The following CLSTN3 variants were observed in gnomAD, a reference collection of about 807,000 sequenced individuals.
The protein encoded by CLSTN3 is calsyntenin 3, also known as calsyntenin-3.
CLSTN3 carries 36 observed loss-of-function variants against 95.9 expected under a neutral mutation model. The observed-to-expected ratio is 0.38, with a 90% CI of 0.29 to 0.50. The LOEUF is 0.50. Ranked by LOEUF, CLSTN3 falls within the 20% of genes least tolerant of loss-of-function variation. The pLI, the probability that CLSTN3 is intolerant of heterozygous loss-of-function variation, is 0.95. For synonymous variants in CLSTN3, 481 were observed against 504.0 expected, an observed-to-expected ratio of 0.95 and a Z score of 0.61; for missense variants, 1,084 against 1,268.8, an observed-to-expected ratio of 0.85 and a Z score of 2.21.
In CLSTN3 at chr12:7,142,867, A is replaced by C; in HGVS notation, c.1541-2A>C. 6.2e-7 allele frequency: 1 copy of C among 1,612,876 alleles called. No individual in the cohort carries two copies. The highest frequency in any genetic ancestry group is 8.5e-7 in the Non-Finnish European group (1 of 1,179,688). ...CGTCCTGCTCCTGTGTTCCTACCCT[A>C]GGAGACCCTTTGTCGATCCACCACT... On this transcript the variant is annotated splice_acceptor_variant, in intron 10 of 17. Coordinates refer to ENST00000266546, the MANE Select transcript of CLSTN3 (RefSeq NM_014718.4). LOFTEE classifies it high-confidence loss of function.
Position 7,137,956 on chromosome 12 carries a change from G to A in CLSTN3, c.1212G>A (p.Glu404=). 1 of 1,613,552 alleles carries A rather than the reference G, an allele frequency of 6.2e-7. No homozygotes were observed. Among genetic ancestry groups the A allele is most frequent in the Non-Finnish European group, 8.5e-7 (1 of 1,179,608 alleles). Residue 404 remains glutamate, a splice_region_variant and synonymous_variant, in exon 8 of 18, where the codon GAG becomes GAA. Transcript: ENST00000266546. This position sits in a 1 kb window ranked among gnomAD's most constrained non-coding sequence, Gnocchi z 4.4. ...ETIVCNTVQN[E]DGFSHYSLTV... ...CCCATCCCCTTCCTGTGCCCTCAGAGGACGGCTTCTCTCACTACTCGCTGA... is the reference window on the plus strand; with the variant it reads ...CCCATCCCCTTCCTGTGCCCTCAGAAGACGGCTTCTCTCACTACTCGCTGA...
chr12:7,154,585 T>C (rs1415214126), intron 16 of CLSTN3, among the ~76,000 whole-genome samples: 3 of 152,176 alleles, frequency 2.0e-5, no homozygotes, highest in Non-Finnish European at 2.9e-5. Flanking sequence ...TCTACTCATA[T>C]CAAATTTTGA....
chr12:7,141,092 G>A lies in CLSTN3; in HGVS notation c.1324-150G>A, dbSNP rs1231947731. 1.1e-5 allele frequency: 9 copies of A among 832,684 alleles called. No individual in the cohort carries two copies. Among genetic ancestry groups the A allele is most frequent in the Non-Finnish European group, 1.7e-5 (9 of 535,272 alleles). 51.6% of individuals were successfully genotyped at this position (832,684 alleles called of 1,614,324 possible). ...GGACAAGGATGTTATTCCTCGAGCT[G>A]GATAGGCAGCAAAGCACTAGTAAGC... On this transcript the variant is annotated intron_variant, in intron 8 of 17. Coordinates refer to ENST00000266546, the MANE Select transcript of CLSTN3 (RefSeq NM_014718.4). This position sits in a 1 kb window ranked among gnomAD's most constrained non-coding sequence, Gnocchi z 4.1.
At position 7,135,324 on chromosome 12, in the gene CLSTN3, C is replaced by T. The variant is rs1939385771; in HGVS notation, c.384-3C>T. On this transcript the variant is annotated splice_polypyrimidine_tract_variant and splice_region_variant and intron_variant, in intron 3 of 17. Transcript: ENST00000266546. ...CATCCCTCCTTCTCTCTGGCATATG[C>T]AGGGCCACTGTGCATGTGCGGGTCA... 1.2e-6 allele frequency: 2 copies of T among 1,613,760 alleles called. No individual in the cohort carries two copies. Among genetic ancestry groups the T allele is most frequent in the Non-Finnish European group, 1.7e-6 (2 of 1,179,836 alleles).
chr12:7,148,770 C>T (rs1357715399), intron 12 of CLSTN3, among the ~76,000 whole-genome samples: 2 of 152,222 alleles, frequency 1.3e-5, no homozygotes, highest in African/African-American at 2.4e-5. Flanking sequence ...TCCTTGGTGA[C>T]ATCCTACCAG....
chr12:7,134,191 A>T (rs1939361201), intron 3 of CLSTN3, among the ~76,000 whole-genome samples: 1 of 152,190 alleles, frequency 6.6e-6, no homozygotes, highest in Non-Finnish European at 1.5e-5. Context: ...AGCAAGAAGG[A>T]AGAGGATGAA....
intron 1 of CLSTN3, chr12:7,132,766 C>T (rs1378563704): frequency 1.5e-5 from 9 of 599,300 alleles, no homozygotes. Flanking sequence ...ATCCCCTCCT[C>T]TTCACCCCCA....
rs899076596 is a variant in CLSTN3 at position 7,157,257 on chromosome 12, G to C, written c.2528-232G>C. Reference sequence around the variant, plus strand: ...CCTCTCTGTACACCTGCCTCCCTCTGTGTTTGTTCCTTTGCCTTGCAGCAG... The same window carrying C: ...CCTCTCTGTACACCTGCCTCCCTCTCTGTTTGTTCCTTTGCCTTGCAGCAG... On this transcript the variant is annotated intron_variant, in intron 16 of 17. Transcript: ENST00000266546. This position sits in a 1 kb window ranked among gnomAD's most constrained non-coding sequence, Gnocchi z 5.9. Among the ~76,000 whole-genome samples the C allele has an allele frequency of 1.3e-5, 2 of 152,162 alleles. No homozygotes were observed. The highest frequency in any genetic ancestry group is 2.9e-5 in the Non-Finnish European group (2 of 68,014).
rs376659977 is a variant in CLSTN3 at position 7,149,686 on chromosome 12, T to C, written c.2238T>C (p.Thr746=). The part of the protein sequence containing the change: ...LELTNTSAYL[T]IAGVESITVY... ...TCACCAACACATCTGCCTACCTCAC[T>C]ATTGCTGGTCAGTGGGGCCTGAGGG... The change falls in exon 14 of 18, where the codon ACT becomes ACC. Residue 746 remains threonine (T), a synonymous_variant. Coordinates refer to ENST00000266546, the MANE Select transcript of CLSTN3 (RefSeq NM_014718.4). This position sits in a 1 kb window ranked among gnomAD's most constrained non-coding sequence, Gnocchi z 4.5. The C allele has an allele frequency of 1.2e-6, 2 of 1,613,190 alleles. No individual in the cohort carries two copies. Among genetic ancestry groups the C allele is most frequent in the African/African-American group, 2.7e-5 (2 of 74,888 alleles).
At chr12:7,132,786 G>T (rs1290451467) in intron 1 of CLSTN3, 7 of 606,882 alleles carry the variant, frequency 1.2e-5, no homozygotes, top group South Asian at 2.0e-5. Context: ...AGGGCAGGTT[G>T]TTTCCATGGG....
chr12:7,138,898 C>T (rs1939478900), intron 8 of CLSTN3: 1 of 122,488 alleles, frequency 8.2e-6, no homozygotes, highest in East Asian at 3.0e-4. Context: ...AATTTATAAA[C>T]TAGATAATTG....
intron 6 of CLSTN3, 62 bp downstream of exon 6, chr12:7,136,453 T>A: frequency 7.0e-7 from 1 of 1,433,134 alleles, no homozygotes; most frequent in East Asian, 2.5e-5. Flanking sequence ...TGTCCAAACT[T>A]TTCCAAGACT....
chr12:7,130,624 GC>G lies in CLSTN3; in HGVS notation c.-22del, dbSNP rs1349692851. ...GGCTCCCAGGGGAGGCAAACGCCTG[GC>G]CCTGCCCTGCCCCACGCCGCACCAT... is the stretch of plus-strand genomic sequence containing the variant. On this transcript the variant is annotated 5_prime_UTR_variant, in exon 1 of 18. Transcript: ENST00000266546. The G allele has an allele frequency of 1.2e-5, 19 of 1,556,840 alleles. No individual in the cohort carries two copies. The highest frequency in any genetic ancestry group is 2.2e-4 in the Middle Eastern group (1 of 4,602).
In CLSTN3 at chr12:7,137,828, A is replaced by AGG; in HGVS notation, c.1211-127_1211-126insGG. 1.7e-6 allele frequency: 1 copy of AGG among 585,728 alleles called. No individual in the cohort carries two copies. Among genetic ancestry groups the AGG allele is most frequent in the South Asian group, 2.0e-5 (1 of 50,326 alleles). The allele number at this position is 585,728 out of a possible 1,614,324, so 36.3% of individuals were successfully genotyped here. A position where few individuals can be genotyped will look rare whatever the true frequency, so the allele number is the denominator to read the frequency against. Reference sequence around the variant, plus strand: ...AGAGAGAGAGAGAGAGAGAGGAAAGAAAAATGCTAGAGAACGAGGGAATGA... The same window carrying AGG: ...AGAGAGAGAGAGAGAGAGAGGAAAGAGGAAAATGCTAGAGAACGAGGGAATGA... On this transcript the variant is annotated intron_variant, in intron 7 of 17. Transcript: ENST00000266546. The surrounding 1 kb of genome is among the most constrained non-coding windows in gnomAD (Gnocchi z 4.4).
At position 7,137,756 on chromosome 12, in the gene CLSTN3, A is replaced by ATGTGTGTGTG. The variant is rs35489298; in HGVS notation, c.1211-168_1211-159dup. Among the ~76,000 whole-genome samples, 178 of 76,152 alleles carry ATGTGTGTGTG rather than the reference A, an allele frequency of 2.3e-3. 2 individuals carry two copies. The highest frequency in any genetic ancestry group is 8.1e-3 in the African/African-American group (136 of 16,796). The allele number at this position is 76,152 out of a possible 152,430, so 50.0% of individuals were successfully genotyped here. A position where few individuals can be genotyped will look rare whatever the true frequency, so the allele number is the denominator to read the frequency against. On this transcript the variant is annotated intron_variant, in intron 7 of 17. Transcript: ENST00000266546. This position sits in a 1 kb window ranked among gnomAD's most constrained non-coding sequence, Gnocchi z 4.4. ...AGCCCAAGTTATCACTTGGACTGGAATGTGTGTGTGTGTGTGTGTGTGTGT... is the reference window on the plus strand; with the variant it reads ...AGCCCAAGTTATCACTTGGACTGGAATGTGTGTGTGTGTGTGTGTGTGTGTGTGTGTGTGT...
chr12:7,148,846 C>G (rs1448947821), intron 12 of CLSTN3, 126 bp from the exon 13 acceptor site: 1 of 782,984 alleles, frequency 1.3e-6, no homozygotes, highest in African/African-American at 1.7e-5. Context: ...CCCTTTCTTC[C>G]CCTGCCCCTT....
At position 7,158,202 on chromosome 12, in the gene CLSTN3, T is replaced by A; in HGVS notation, c.*121T>A. On this transcript the variant is annotated 3_prime_UTR_variant, in exon 18 of 18. Transcript: ENST00000266546. ...AGAGGGAGAGAGGCTTCAGAACCAG[T>A]CCTCCTTTCATTTCAAAACCCCAGC... is the stretch of plus-strand genomic sequence containing the variant. 1 of 1,255,814 alleles carries A rather than the reference T, an allele frequency of 8.0e-7. No individual in the cohort carries two copies. Among genetic ancestry groups the A allele is most frequent in the Non-Finnish European group, 1.1e-6 (1 of 941,594 alleles). The allele number at this position is 1,255,814 out of a possible 1,614,324, so 77.8% of individuals were successfully genotyped here. A position where few individuals can be genotyped will look rare whatever the true frequency, so the allele number is the denominator to read the frequency against.
chr12:7,141,477 G>C lies in CLSTN3; in HGVS notation c.1486+73G>C, dbSNP rs1306284375. ...GGTAGGCTGGTGAGGAGCAAGGGCA[G>C]TCTGACCCAGCAGCTGAGGCCGCCT... is the stretch of plus-strand genomic sequence containing the variant. On this transcript the variant is annotated intron_variant, in intron 9 of 17. Coordinates refer to ENST00000266546, the MANE Select transcript of CLSTN3 (RefSeq NM_014718.4). The surrounding 1 kb of genome is among the most constrained non-coding windows in gnomAD (Gnocchi z 4.1). The C allele has an allele frequency of 2.6e-6, 4 of 1,530,818 alleles. No individual in the cohort carries two copies. Among genetic ancestry groups the C allele is most frequent in the Non-Finnish European group, 3.6e-6 (4 of 1,106,868 alleles). The allele number at this position is 1,530,818 out of a possible 1,614,324, so 94.8% of individuals were successfully genotyped here.
At position 7,146,722 on chromosome 12, in the gene CLSTN3, C is replaced by T. The variant is rs767457319; in HGVS notation, c.1848-2250C>T. Among the ~76,000 whole-genome samples, 12 of 152,314 alleles carry T rather than the reference C, an allele frequency of 7.9e-5. No individual in the cohort carries two copies. The South Asian group carries it at 8.3e-4, about 11-fold the overall frequency. The stretch of plus-strand genomic sequence containing the variant: ...CCTTTCTTTTAACTTTTGTGTGCCA[C>T]GTCTAATCTCTCTACCAGACCAACG... On this transcript the variant is annotated intron_variant, in intron 12 of 17. Transcript: ENST00000266546.
Sources: gnomAD v4.1 joint callset for allele counts (sites outside exome capture counted in the v4.1 genomes callset) on GRCh38, gnomAD v4.1.1 for gene constraint, Gnocchi (gnomAD v3.1) non-coding constraint, MANE v1.5 for transcripts, NCBI Gene and HGNC (gene_info 2026-07-23, HGNC 2026-07-21) for gene names.